Variants in BRWD3 observed in about 807,000 individuals in gnomAD.
The protein encoded by BRWD3 is bromodomain and WD repeat-containing protein 3.
In BRWD3, 10 loss-of-function variants were observed where a neutral mutation model predicts 149.7. The observed-to-expected ratio is 0.07, with a 90% CI of 0.04 to 0.11. The LOEUF is 0.11. BRWD3 is among the 10% of genes least tolerant of loss of function. The pLI is 1.00. For synonymous variants in BRWD3, 504 were observed against 456.7 expected (o/e 1.10, Z -1.32); for missense variants, 940 against 1,373.2 (o/e 0.68, Z 4.99).
At chrX:80,784,749 A>G (rs2074091525) in intron 6 of BRWD3, among the ~76,000 whole-genome samples, 1 of 112,128 alleles carries the variant, frequency 8.9e-6, no homozygotes, top group South Asian at 3.7e-4. Flanking sequence ...ATAGTATTCC[A>G]TGGTGTATAT....
intron 6 of BRWD3, among the ~76,000 whole-genome samples, chrX:80,783,262 C>A (rs189999172): frequency 9.1e-6 from 1 of 109,530 alleles, no homozygotes; most frequent in African/African-American, 3.3e-5. Context: ...TAGTGCACAC[C>A]TGTAGTCCCA....
At position 80,807,593 on chromosome X, in the gene BRWD3, C is replaced by T. The variant is rs566486507; in HGVS notation, c.180+946G>A. Among the ~76,000 whole-genome samples, 3 of 111,740 alleles carry T rather than the reference C, an allele frequency of 2.7e-5. No individual in the cohort carries two copies. In the South Asian group the frequency reaches 1.1e-3, roughly 42 times the overall value. On this transcript the variant is annotated intron_variant, in intron 4 of 40. Transcript: ENST00000373275. ...TCTCCTTTCACTACCCTCCAATGCA[C>T]TGTGGCAGCAGCTAACACAAGGGAA...
chrX:80,729,613 A>G lies in BRWD3; in HGVS notation c.1232+303T>C, dbSNP rs3106406. On this transcript the variant is annotated intron_variant, in intron 13 of 40. Transcript: ENST00000373275. ...CAACTCTCAAGGTAGAAAGTAAAAT[A>G]GATATATTTTTTAATGACCTATAAA... Among the ~76,000 whole-genome samples the G allele has an allele frequency of 0.37, 40,612 of 110,218 alleles. 6,385 individuals carry two copies. Among genetic ancestry groups the G allele is most frequent in the South Asian group, 0.62 (1,638 of 2,632 alleles).
At chrX:80,703,643 T>C in intron 23 of BRWD3, 50 bp from the exon 24 acceptor site, 1 of 882,365 alleles carries the variant, frequency 1.1e-6, no homozygotes, top group Non-Finnish European at 1.6e-6. Flanking sequence ...AGTTCTCCAA[T>C]ACATAAAACA....
chrX:80,748,058 G>T (rs899223724), intron 6 of BRWD3, among the ~76,000 whole-genome samples: 1 of 111,446 alleles, frequency 9.0e-6, no homozygotes, highest in Non-Finnish European at 1.9e-5. Context: ...AGTCACGCTG[G>T]TCTTGAACTC....
intron 8 of BRWD3, among the ~76,000 whole-genome samples, chrX:80,739,384 T>C (rs1194153961): frequency 9.0e-6 from 1 of 111,403 alleles, no homozygotes; most frequent in Non-Finnish European, 1.9e-5. Flanking sequence ...TAGACATCCA[T>C]GTGATGATGC....
chrX:80,675,809 C>CG lies in BRWD3; in HGVS notation c.*799dup, dbSNP rs2072359209. The CG allele has an allele frequency of 9.0e-6, 1 of 111,531 alleles. No individual in the cohort carries two copies. The highest frequency in any genetic ancestry group is 3.3e-5 in the African/African-American group (1 of 30,698). The allele number at this position is 111,531 out of a possible 1,213,427, so 9.2% of individuals were successfully genotyped here. The stretch of plus-strand genomic sequence containing the variant: ...AAATGTGATAGGAAAAAAATTGATG[C>CG]GGGAAACTTTTGCATTTGGCACCTT... On this transcript the variant is annotated 3_prime_UTR_variant, in exon 41 of 41. Coordinates refer to ENST00000373275, the MANE Select transcript of BRWD3 (RefSeq NM_153252.5).
chrX:80,702,375 A>C (rs2072803029), intron 24 of BRWD3, among the ~76,000 whole-genome samples: 1 of 112,223 alleles, frequency 8.9e-6, no homozygotes, highest in East Asian at 2.8e-4. Context: ...GAGTCTCATT[A>C]GGTCTTAGAG....
intron 6 of BRWD3, among the ~76,000 whole-genome samples, chrX:80,770,407 T>C (rs2073926803): frequency 9.0e-6 from 1 of 111,606 alleles, no homozygotes; most frequent in Admixed American, 9.5e-5. Context: ...TACACCACAA[T>C]AAAGTTGGCT....
At chrX:80,763,338 G>A (rs1416240305) in intron 6 of BRWD3, among the ~76,000 whole-genome samples, 1 of 111,390 alleles carries the variant, frequency 9.0e-6, no homozygotes, top group African/African-American at 3.3e-5. Context: ...TTCTTAAAAT[G>A]AGAGAAAAAT....
At chrX:80,760,031 C>T (rs1302205890) in intron 6 of BRWD3, among the ~76,000 whole-genome samples, 1 of 112,001 alleles carries the variant, frequency 8.9e-6, no homozygotes, top group Non-Finnish European at 1.9e-5. Flanking sequence ...AATAGCCACT[C>T]TTACTATATA....
At chrX:80,788,921 G>C (rs758368315) in intron 6 of BRWD3, among the ~76,000 whole-genome samples, 2 of 111,962 alleles carry the variant, frequency 1.8e-5, no homozygotes, top group Non-Finnish European at 3.8e-5. Flanking sequence ...AGAAAGATTA[G>C]TGGTTTCCAG....
chrX:80,692,237 G>A, intron 28 of BRWD3, 87 bp from the exon 29 acceptor site: 1 of 874,865 alleles, frequency 1.1e-6, no homozygotes, highest in East Asian at 3.2e-5. Context: ...ACTTCTTGGG[G>A]GTGAAATTTG....
chrX:80,700,112 C>T (rs1022863585), intron 24 of BRWD3, 48 bp from the exon 25 acceptor site: 1 of 916,338 alleles, frequency 1.1e-6, no homozygotes, highest in Non-Finnish European at 1.6e-6. Flanking sequence ...CTATATAACT[C>T]TGTATGTCCA....
intron 17 of BRWD3, 117 bp from the exon 18 acceptor site, chrX:80,719,773 ATAAAG>A (rs2073118748): frequency 1.5e-6 from 1 of 685,895 alleles, no homozygotes; most frequent in Non-Finnish European, 2.3e-6. Flanking sequence ...TAAACGTAAA[ATAAAG>A]TATATATCAA....
At chrX:80,785,844 A>G (rs1026841975) in intron 6 of BRWD3, among the ~76,000 whole-genome samples, 1 of 112,093 alleles carries the variant, frequency 8.9e-6, no homozygotes, top group Admixed American at 9.5e-5. Context: ...CCTAGCCAAC[A>G]TGGCAAAACC....
rs143824970 is a variant in BRWD3, at chrX:80,684,155, T to C, written c.4088A>G (p.Gln1363Arg). ...QQDSSLSEDY[Q>R]DVIDTPVDFS... ...GTCCACAGGAGTATCTATAACATCTTGATAATCCTACAAAGAAGAATGTGT... is the reference window on the plus strand; with the variant it reads ...GTCCACAGGAGTATCTATAACATCTCGATAATCCTACAAAGAAGAATGTGT... The change falls in exon 37 of 41, where the codon CAA becomes CGA. Residue 1363 changes from glutamine (Q) to arginine (R), a missense_variant. Physicochemically the swap from Gln to Arg is conservative, Grantham distance 43. Around this residue, in one of 6 missense-constraint regions of BRWD3, gnomAD observed 349 missense variants for 419.6 expected, o/e 0.83. Coordinates refer to ENST00000373275, the MANE Select transcript of BRWD3 (RefSeq NM_153252.5). 63 of 1,197,820 alleles carry C rather than the reference T, an allele frequency of 5.3e-5. No homozygotes were observed. Among genetic ancestry groups the C allele is most frequent in the Non-Finnish European group, 6.7e-5 (59 of 884,813 alleles).
intron 23 of BRWD3, among the ~76,000 whole-genome samples, chrX:80,703,870 G>A (rs193126378): frequency 1.8e-5 from 2 of 111,661 alleles, no homozygotes; most frequent in Admixed American, 1.9e-4. Context: ...TGACTACCAC[G>A]TGAATTCAAA....
intron 38 of BRWD3, 92 bp from the exon 39 acceptor site, chrX:80,682,186 C>A: frequency 1.4e-6 from 1 of 737,651 alleles, no homozygotes; most frequent in South Asian, 2.4e-5. Flanking sequence ...GTATCAAGGT[C>A]AGGTATTAGC....
Sources: gnomAD v4.1 joint callset for allele counts (sites outside exome capture counted in the v4.1 genomes callset) on GRCh38, gnomAD v4.1.1 for gene constraint, gnomAD v4.1.1 regional missense constraint, MANE v1.5 for transcripts, NCBI Gene and HGNC (gene_info 2026-07-23, HGNC 2026-07-21) for gene names.